NRG1: variants seen among roughly 807,000 people sequenced by gnomAD.
NRG1 encodes neuregulin 1.
In NRG1, 18 loss-of-function variants were observed where a neutral mutation model predicts 63.8. That is an observed-to-expected ratio of 0.28 (90% CI 0.19 to 0.42). The LOEUF (loss-of-function observed/expected upper bound fraction) is 0.42. Among genes scored for constraint, NRG1 ranks in the 10% least tolerant of loss-of-function variants. The pLI is 1.00. For missense variants in NRG1, 762 were observed against 814.7 expected, an observed-to-expected ratio of 0.94 and a Z score of 0.79; for synonymous variants, 302 against 301.3, an observed-to-expected ratio of 1.00 and a Z score of -0.02.
At chr8:32,589,339 T>A (rs1260567603) in intron 1 of NRG1, among the ~76,000 whole-genome samples, 1 of 152,218 alleles carries the variant, frequency 6.6e-6, no homozygotes, top group East Asian at 1.9e-4. Context: ...CTAACATGAC[T>A]ATTAACAAAA....
At chr8:32,023,900 C>T (rs566129975) in intron 1 of NRG1, among the ~76,000 whole-genome samples, 29 of 152,266 alleles carry the variant, frequency 1.9e-4, no homozygotes, top group African/African-American at 6.7e-4. Context: ...ACTGATTTGA[C>T]ATTCACCTGT....
intron 1 of NRG1, among the ~76,000 whole-genome samples, chr8:32,281,038 C>T (rs541764799): frequency 1.3e-4 from 20 of 151,784 alleles, no homozygotes; most frequent in African/African-American, 4.3e-4. Flanking sequence ...GGATTACAGG[C>T]ATGAGCCTCA....
chr8:32,707,593 T>G (rs1816750184), intron 5 of NRG1, among the ~76,000 whole-genome samples: 1 of 152,104 alleles, frequency 6.6e-6, no homozygotes. Context: ...AATGTTACAA[T>G]AAGTCAACTT....
intron 1 of NRG1, among the ~76,000 whole-genome samples, chr8:31,932,496 T>G (rs1417434750): frequency 6.6e-6 from 1 of 152,172 alleles, no homozygotes; most frequent in Non-Finnish European, 1.5e-5. Context: ...CTAGGAGGAT[T>G]GAAACATTCC....
chr8:32,386,502 G>C (rs187334375), intron 1 of NRG1, among the ~76,000 whole-genome samples: 3 of 152,252 alleles, frequency 2.0e-5, no homozygotes, highest in Admixed American at 2.0e-4. Context: ...TTGTTTCAGT[G>C]CTTTTATATA....
intron 1 of NRG1, among the ~76,000 whole-genome samples, chr8:32,533,037 C>CAAA (rs11419276): frequency 6.8e-6 from 1 of 147,522 alleles, no homozygotes. Flanking sequence ...GATGTTTCAC[C>CAAA]AAAAAAAAAA....
chr8:32,537,322 G>T (rs1832109972), intron 1 of NRG1, among the ~76,000 whole-genome samples: 2 of 150,096 alleles, frequency 1.3e-5, no homozygotes, highest in South Asian at 4.2e-4. Context: ...TTGGTTCATT[G>T]TCTTCCATCC....
chr8:32,427,596 A>T (rs554626815), intron 1 of NRG1, among the ~76,000 whole-genome samples: 8 of 152,156 alleles, frequency 5.3e-5, no homozygotes, highest in African/African-American at 1.7e-4. Context: ...ATTTTCTTGC[A>T]TGTGCGTTTT....
chr8:32,233,412 G>T (rs1398803142), intron 1 of NRG1, among the ~76,000 whole-genome samples: 2 of 151,542 alleles, frequency 1.3e-5, no homozygotes, highest in Admixed American at 6.6e-5. Context: ...AGCCATGAGT[G>T]TACATTATAA....
intron 1 of NRG1, among the ~76,000 whole-genome samples, chr8:32,220,208 G>A (rs1845666696): frequency 1.3e-5 from 2 of 152,094 alleles, no homozygotes; most frequent in African/African-American, 2.4e-5. Context: ...TGACTTACCA[G>A]GAGACAATTG....
rs536332020 is a variant in NRG1 at position 31,745,459 on chromosome 8, C to T, written c.37+106028C>T. Reference sequence around the variant, plus strand: ...AAGTGATACGAACTGTTAAATTGGACAAGTTTAGATTTAGGTGACAGTAGG... The same window carrying T: ...AAGTGATACGAACTGTTAAATTGGATAAGTTTAGATTTAGGTGACAGTAGG... On this transcript the variant is annotated intron_variant, in intron 1 of 10. Coordinates refer to the NRG1 transcript ENST00000519301. Among the ~76,000 whole-genome samples, 7 of 151,962 alleles carry T rather than the reference C, an allele frequency of 4.6e-5. 1 individual carries two copies. The South Asian group carries it at 1.5e-3, about 32-fold the overall frequency.
intron 4 of NRG1, among the ~76,000 whole-genome samples, chr8:32,615,795 C>G (rs527269046): frequency 6.6e-6 from 1 of 150,652 alleles, no homozygotes; most frequent in Non-Finnish European, 1.5e-5. Context: ...ATGTGTGTTG[C>G]GGAATGGTAT....
At chr8:31,682,459 G>C (rs1808434600) in intron 1 of NRG1, among the ~76,000 whole-genome samples, 1 of 151,986 alleles carries the variant, frequency 6.6e-6, no homozygotes, top group Non-Finnish European at 1.5e-5. Flanking sequence ...AAAATTGAGG[G>C]CTGTGCATAT....
chr8:32,267,870 A>G (rs1268051468), intron 1 of NRG1, among the ~76,000 whole-genome samples: 1 of 152,186 alleles, frequency 6.6e-6, no homozygotes, highest in African/African-American at 2.4e-5. Flanking sequence ...GTTTAAGATC[A>G]GCGTTTACTA....
At chr8:31,829,196 C>T (rs1213914647) in intron 1 of NRG1, among the ~76,000 whole-genome samples, 1 of 152,164 alleles carries the variant, frequency 6.6e-6, no homozygotes, top group Non-Finnish European at 1.5e-5. Context: ...CCCTTGTAAC[C>T]TTGTTAGACT....
At chr8:31,953,185 A>C (rs1386742530) in intron 1 of NRG1, among the ~76,000 whole-genome samples, 1 of 152,176 alleles carries the variant, frequency 6.6e-6, no homozygotes, top group Non-Finnish European at 1.5e-5. Context: ...TTTAGCATAG[A>C]TATGCATACT....
chr8:31,958,008 C>G (rs1804736614), intron 1 of NRG1, among the ~76,000 whole-genome samples: 1 of 151,362 alleles, frequency 6.6e-6, no homozygotes, highest in Non-Finnish European at 1.5e-5. Context: ...CTCTGCCATT[C>G]AGTTTAATAC....
At chr8:31,881,970 G>A (rs1217601717) in intron 1 of NRG1, among the ~76,000 whole-genome samples, 1 of 152,186 alleles carries the variant, frequency 6.6e-6, no homozygotes, top group Non-Finnish European at 1.5e-5. Flanking sequence ...TTATCCAGAA[G>A]ATCTAGCTAA....
intron 1 of NRG1, among the ~76,000 whole-genome samples, chr8:32,367,715 T>G (rs1295844151): frequency 1.3e-5 from 2 of 152,148 alleles, no homozygotes; most frequent in African/African-American, 4.8e-5. Context: ...TGTTTTTTGT[T>G]GCTTTTGAGG....
Sources: allele counts gnomAD v4.1 joint callset (sites outside exome capture counted in the v4.1 genomes callset), GRCh38; gene constraint gnomAD v4.1.1; transcripts MANE v1.5; gene names NCBI Gene and HGNC (gene_info 2026-07-23, HGNC 2026-07-21).